The following ZNF736 variants were observed in gnomAD, a reference collection of about 807,000 sequenced individuals.
ZNF736 encodes the protein zinc finger protein 736.
Under a neutral mutation model 11.7 loss-of-function variants are expected in ZNF736, and 6 were observed. The observed-to-expected ratio is 0.51, with a 90% CI of 0.28 to 1.01. The LOEUF is 1.01. Among genes scored for constraint, ZNF736 ranks in the 50% least tolerant of loss-of-function variants. The pLI is 0.09. For synonymous variants in ZNF736, 139 were observed against 164.7 expected, an observed-to-expected ratio of 0.84 and a Z score of 1.19; for missense variants, 444 against 496.0, an observed-to-expected ratio of 0.90 and a Z score of 1.00.
intron 1 of ZNF736, among the ~76,000 whole-genome samples, chr7:64,319,569 C>T (rs562106715): frequency 7.6e-6 from 1 of 131,126 alleles, no homozygotes; most frequent in East Asian, 2.3e-4. Context: ...GGTCTTGGCT[C>T]ACTGCAACCT....
At position 64,348,144 on chromosome 7, in the gene ZNF736, C is replaced by A. The variant is rs768761664; in HGVS notation, c.281C>A (p.Ser94Ter). 10 of 1,546,998 alleles carry A rather than the reference C, an allele frequency of 6.5e-6. No individual in the cohort carries two copies. Among genetic ancestry groups the A allele is most frequent in the Non-Finnish European group, 7.9e-6 (9 of 1,145,790 alleles). The change falls in exon 4 of 4, where the codon TCA (serine) becomes TAA (stop). Residue 94 changes from serine to a stop codon, truncating the protein, a stop_gained. Transcript: ENST00000423484. LOFTEE classifies it low-confidence loss of function (END_TRUNC). ...EILPDHDIKD[S>*]FQKVILRKYG... ...TTGCCGGATCATGACATAAAAGATT[C>A]ATTTCAAAAAGTGATTCTGAGAAAA... is the stretch of plus-strand genomic sequence containing the variant.
At chr7:64,346,740 T>A (rs1473005531) in intron 3 of ZNF736, among the ~76,000 whole-genome samples, 3 of 152,068 alleles carry the variant, frequency 2.0e-5, no homozygotes, top group Non-Finnish European at 4.4e-5. Flanking sequence ...AATGTTGAAG[T>A]GCATATTAGT....
chr7:64,317,979 TTCTC>T (rs1180256959), intron 1 of ZNF736, among the ~76,000 whole-genome samples: 2 of 152,050 alleles, frequency 1.3e-5, no homozygotes, highest in Admixed American at 1.3e-4. Context: ...GTAAAGTTGT[TTCTC>T]TCCTTAACAA....
At position 64,349,887 on chromosome 7, in the gene ZNF736, A is replaced by G. The variant is rs1317319566; in HGVS notation, c.*740A>G. The G allele has an allele frequency of 6.6e-6, 1 of 152,136 alleles. No homozygotes were observed. Among genetic ancestry groups the G allele is most frequent in the Non-Finnish European group, 1.5e-5 (1 of 68,052 alleles). The allele number at this position is 152,136 out of a possible 1,614,324, so 9.4% of individuals were successfully genotyped here. ...AAGAATGTTGAATATTGGCCCCTATAATCTCTTTTGACTTGTAGGATTTCA... is the reference window on the plus strand; with the variant it reads ...AAGAATGTTGAATATTGGCCCCTATGATCTCTTTTGACTTGTAGGATTTCA... On this transcript the variant is annotated 3_prime_UTR_variant, in exon 4 of 4. Transcript: ENST00000423484.
At chr7:64,329,528 G>A (rs10949891) in intron 1 of ZNF736, among the ~76,000 whole-genome samples, 33,888 of 151,756 alleles carry the variant, frequency 0.22, 4,017 homozygotes, top group Admixed American at 0.26. Flanking sequence ...TACCACTTTG[G>A]TGGTCATAGG....
At chr7:64,346,806 T>C (rs616497) in intron 3 of ZNF736, among the ~76,000 whole-genome samples, 86,821 of 151,620 alleles carry the variant, frequency 0.57, 25,571 homozygotes, top group Middle Eastern at 0.68. Flanking sequence ...TTTTATCTTT[T>C]TGTTGGTTTC....
In ZNF736 at chr7:64,336,918, C is replaced by T; in HGVS notation, c.162C>T (p.Thr54=). 6.2e-7 allele frequency: 1 copy of T among 1,602,834 alleles called. No homozygotes were observed. Among genetic ancestry groups the T allele is most frequent in the Non-Finnish European group, 8.5e-7 (1 of 1,174,416 alleles). Residue 54 remains threonine (T), a synonymous_variant, in exon 3 of 4, where the codon ACC becomes ACT. Coordinates refer to ENST00000423484, the MANE Select transcript of ZNF736 (RefSeq NM_001170905.3). ...GLAIFKPDLM[T]CLEQRKEPWK... ...CTATCTTTAAGCCAGACTTGATGAC[C>T]TGTCTGGAGCAAAGAAAAGAGCCTT... is the stretch of plus-strand genomic sequence containing the variant.
At chr7:64,319,243 C>T (rs1251430343) in intron 1 of ZNF736, among the ~76,000 whole-genome samples, 30 of 146,958 alleles carry the variant, frequency 2.0e-4, no homozygotes, top group African/African-American at 7.3e-4. Context: ...GCCTCAAATA[C>T]GTATGTATAT....
intron 1 of ZNF736, among the ~76,000 whole-genome samples, chr7:64,333,249 A>G (rs1789196541): frequency 6.6e-6 from 1 of 152,078 alleles, no homozygotes; most frequent in South Asian, 2.1e-4. Context: ...CTCCTTTTTC[A>G]CTTTTTATTC....
At chr7:64,330,933 A>G (rs1368294632) in intron 1 of ZNF736, among the ~76,000 whole-genome samples, 1 of 152,176 alleles carries the variant, frequency 6.6e-6, no homozygotes, top group Non-Finnish European at 1.5e-5. Flanking sequence ...TGCAGGACAA[A>G]GTTTTTATTA....
At chr7:64,336,414 A>G (rs1448025020) in intron 2 of ZNF736, 29 bp downstream of exon 2, 9 of 1,547,496 alleles carry the variant, frequency 5.8e-6, no homozygotes, top group Non-Finnish European at 7.8e-6. Flanking sequence ...TACAACTCAT[A>G]TTCTACATTA....
At chr7:64,317,751 T>C (rs1788937442) in intron 1 of ZNF736, among the ~76,000 whole-genome samples, 1 of 152,120 alleles carries the variant, frequency 6.6e-6, no homozygotes, top group African/African-American at 2.4e-5. Flanking sequence ...GTAAACCTTT[T>C]ATAACCCCTT....
intron 3 of ZNF736, among the ~76,000 whole-genome samples, chr7:64,342,207 T>TA (rs1378365949): frequency 6.6e-6 from 1 of 152,072 alleles, no homozygotes; most frequent in Non-Finnish European, 1.5e-5. Context: ...TGCATTATGT[T>TA]AGAGAGGAGT....
rs532566240 is a variant in ZNF736 at position 64,343,464 on chromosome 7, C to T, written c.227-4626C>T. Among the ~76,000 whole-genome samples, 8 of 152,290 alleles carry T rather than the reference C, an allele frequency of 5.3e-5. No individual in the cohort carries two copies. The East Asian group carries it at 1.3e-3, about 26-fold the overall frequency. On this transcript the variant is annotated intron_variant, in intron 3 of 3. Transcript: ENST00000423484. ...GAAAAGCTACCTATGGGGTACTGTGCTATCTATCTGAGTAGTAGTAGCAGT... is the reference window on the plus strand; with the variant it reads ...GAAAAGCTACCTATGGGGTACTGTGTTATCTATCTGAGTAGTAGTAGCAGT...
rs1789495271 is a variant in ZNF736, at chr7:64,351,979, T to G, written c.*2832T>G. On this transcript the variant is annotated 3_prime_UTR_variant, in exon 4 of 4. Coordinates refer to ENST00000423484, the MANE Select transcript of ZNF736 (RefSeq NM_001170905.3). ...TGAATAAGGCACTTAGGGTTTGGGA[T>G]TTTTTATTAGTCTGAGGGTAGCAAG... 6.6e-6 allele frequency: 1 copy of G among 152,132 alleles called. No homozygotes were observed. The highest frequency in any genetic ancestry group is 1.5e-5 in the Non-Finnish European group (1 of 68,036). The allele number at this position is 152,132 out of a possible 1,614,324, so 9.4% of individuals were successfully genotyped here. A position where few individuals can be genotyped will look rare whatever the true frequency, so the allele number is the denominator to read the frequency against.
intron 1 of ZNF736, among the ~76,000 whole-genome samples, chr7:64,331,385 T>C (rs563553866): frequency 2.6e-5 from 4 of 152,156 alleles, no homozygotes; most frequent in Non-Finnish European, 5.9e-5. Flanking sequence ...CTCCCTTCTG[T>C]AAGCACATGG....
chr7:64,318,652 A>G (rs965193512), intron 1 of ZNF736, among the ~76,000 whole-genome samples: 1 of 152,164 alleles, frequency 6.6e-6, no homozygotes, highest in Non-Finnish European at 1.5e-5. Context: ...TTACCAAAAG[A>G]TTTACTCAAT....
At chr7:64,323,008 C>T (rs649815) in intron 1 of ZNF736, among the ~76,000 whole-genome samples, 40,439 of 152,082 alleles carry the variant, frequency 0.27, 6,393 homozygotes, top group Middle Eastern at 0.39. Context: ...TTTAACCACA[C>T]TGTTTATGGA....
Position 64,353,978 on chromosome 7 carries a change from T to C in ZNF736, c.*4831T>C, listed in dbSNP as rs1249770142. 6.6e-6 allele frequency: 1 copy of C among 152,224 alleles called. No homozygotes were observed. The highest frequency in any genetic ancestry group is 1.5e-5 in the Non-Finnish European group (1 of 68,022). The allele number at this position is 152,224 out of a possible 1,614,324, so 9.4% of individuals were successfully genotyped here. A position where few individuals can be genotyped will look rare whatever the true frequency, so the allele number is the denominator to read the frequency against. On this transcript the variant is annotated 3_prime_UTR_variant, in exon 4 of 4. Coordinates refer to ENST00000423484, the MANE Select transcript of ZNF736 (RefSeq NM_001170905.3). ...GCCACTGATGTTAACTTATCCCATCTTACCCAAGGTTGTAGGTAACAATAT... is the reference window on the plus strand; with the variant it reads ...GCCACTGATGTTAACTTATCCCATCCTACCCAAGGTTGTAGGTAACAATAT...
Sources: gnomAD v4.1 joint callset for allele counts (sites outside exome capture counted in the v4.1 genomes callset) on GRCh38, gnomAD v4.1.1 for gene constraint, MANE v1.5 for transcripts, NCBI Gene and HGNC (gene_info 2026-07-23, HGNC 2026-07-21) for gene names.